SPAG9: variants seen among roughly 807,000 people sequenced by gnomAD.
SPAG9 encodes sperm associated antigen 9.
SPAG9 carries 35 observed loss-of-function variants against 166.5 expected under a neutral mutation model. That is an observed-to-expected ratio of 0.21 (90% CI 0.16 to 0.28). The LOEUF (loss-of-function observed/expected upper bound fraction) is 0.28, where lower values mean the gene tolerates loss of function less well. Ranked by LOEUF, SPAG9 falls within the 10% of genes least tolerant of loss-of-function variation. SPAG9 has a pLI of 1.00. For synonymous variants in SPAG9, 534 were observed against 565.5 expected (o/e 0.94, Z 0.79); for missense variants, 1,235 against 1,603.3 (o/e 0.77, Z 3.92).
chr17:51,020,384 T>G, intron 7 of SPAG9, 126 bp from the exon 8 acceptor site: 1 of 622,986 alleles, frequency 1.6e-6, no homozygotes, highest in Non-Finnish European at 2.8e-6. Flanking sequence ...CAAGACTGGA[T>G]TTTAGGAAAT....
intron 1 of SPAG9, among the ~76,000 whole-genome samples, chr17:51,097,819 T>C (rs994052685): frequency 6.6e-6 from 1 of 152,090 alleles, no homozygotes; most frequent in Non-Finnish European, 1.5e-5. Context: ...CTTTTTAAGA[T>C]AGGGTCTCAC....
Position 51,017,655 on chromosome 17 carries a change from G to A in SPAG9, c.1091+2504C>T, listed in dbSNP as rs561637565. 3.6e-4 allele frequency among the ~76,000 whole-genome samples: 55 copies of A among 152,156 alleles called. No homozygotes were observed. In the South Asian group the frequency reaches 4.8e-3, roughly 13 times the overall value. The stretch of plus-strand genomic sequence containing the variant: ...TAAGTCTCTTTATTTATAAAATAAG[G>A]ATAAAAAGATCTACCTCATAAGGTT... On this transcript the variant is annotated intron_variant, in intron 8 of 29. Transcript: ENST00000262013.
chr17:51,120,188 G>C lies in SPAG9; in HGVS notation c.303+166C>G, dbSNP rs1174488732. ...GGCCTCGGCTTCCAACGCCGGCCTG[G>C]CTCCCGGGGTACCTGGAGGCCGCCG... On this transcript the variant is annotated intron_variant, in intron 1 of 29. Coordinates refer to ENST00000262013, the MANE Select transcript of SPAG9 (RefSeq NM_001130528.3). This position sits in a 1 kb window ranked among gnomAD's most constrained non-coding sequence, Gnocchi z 4.7. Among the ~76,000 whole-genome samples the C allele has an allele frequency of 6.6e-6, 1 of 152,160 alleles. No individual in the cohort carries two copies. Among genetic ancestry groups the C allele is most frequent in the Non-Finnish European group, 1.5e-5 (1 of 68,020 alleles).
intron 12 of SPAG9, 61 bp from the exon 13 acceptor site, chr17:51,001,906 T>C: frequency 1.3e-6 from 2 of 1,484,860 alleles, no homozygotes; most frequent in East Asian, 2.4e-5. Context: ...GGTGTTCATC[T>C]CAGAGTTATG....
At chr17:51,087,631 C>A (rs1260634011) in intron 1 of SPAG9, among the ~76,000 whole-genome samples, 6 of 152,178 alleles carry the variant, frequency 3.9e-5, no homozygotes, top group African/African-American at 1.4e-4. Context: ...ATTCAGAGAT[C>A]TTAGTTGGGC....
chr17:50,979,361 G>A (rs1974423122), intron 26 of SPAG9, among the ~76,000 whole-genome samples: 1 of 140,344 alleles, frequency 7.1e-6, no homozygotes, highest in Non-Finnish European at 1.5e-5. Flanking sequence ...GACAGAGTGA[G>A]ACCCCGTCTT....
At chr17:51,013,141 T>A (rs1397911333) in intron 9 of SPAG9, among the ~76,000 whole-genome samples, 2 of 152,200 alleles carry the variant, frequency 1.3e-5, no homozygotes, top group African/African-American at 4.8e-5. Flanking sequence ...GCAATGTCAC[T>A]CCACTCCAAA....
chr17:51,002,018 A>G (rs1441876197), intron 12 of SPAG9, among the ~76,000 whole-genome samples, 173 bp from the exon 13 acceptor site: 2 of 152,076 alleles, frequency 1.3e-5, no homozygotes, highest in Non-Finnish European at 2.9e-5. Context: ...CTTTTTTTTA[A>G]AAAAATATAT....
chr17:51,069,848 A>G (rs1193414232), intron 2 of SPAG9, among the ~76,000 whole-genome samples: 1 of 152,164 alleles, frequency 6.6e-6, no homozygotes, highest in Non-Finnish European at 1.5e-5. Context: ...GTCAAAGTAT[A>G]AGGATCTAAC....
intron 9 of SPAG9, among the ~76,000 whole-genome samples, chr17:51,012,431 A>G (rs1212271700): frequency 1.3e-5 from 2 of 151,936 alleles, no homozygotes; most frequent in East Asian, 2.0e-4. Flanking sequence ...TTAGTCAGGC[A>G]TGGTGGTATG....
At chr17:51,014,376 C>A (rs1259903631) in intron 8 of SPAG9, 23 bp from the exon 9 acceptor site, 10 of 1,587,278 alleles carry the variant, frequency 6.3e-6, no homozygotes, top group Non-Finnish European at 8.6e-6. Flanking sequence ...AACAACAAAA[C>A]CAAATCAACA....
At chr17:50,981,390 G>A (rs1477864102) in intron 25 of SPAG9, among the ~76,000 whole-genome samples, 1 of 150,034 alleles carries the variant, frequency 6.7e-6, no homozygotes, top group Admixed American at 6.7e-5. Flanking sequence ...CAACCTGTGT[G>A]TGGATGGATG....
chr17:50,998,527 A>G lies in SPAG9; in HGVS notation c.1755T>C (p.Val585=). The G allele has an allele frequency of 6.2e-7, 1 of 1,614,186 alleles. No individual in the cohort carries two copies. Among genetic ancestry groups the G allele is most frequent in the Admixed American group, 1.7e-5 (1 of 60,026 alleles). ...TGCTTCTTTTCTTGACGGACGGAGTAACATGAGACGTGGGTGCATTGTACT... is the reference window on the plus strand; with the variant it reads ...TGCTTCTTTTCTTGACGGACGGAGTGACATGAGACGTGGGTGCATTGTACT... ...NLKYNAPTSH[V]TPSVKKRSST... The change falls in exon 15 of 30, where the codon GTT becomes GTC. Residue 585 remains valine, a synonymous_variant. Transcript: ENST00000262013.
chr17:50,981,431 T>TGG (rs942776285), intron 25 of SPAG9, among the ~76,000 whole-genome samples: 5 of 151,528 alleles, frequency 3.3e-5, no homozygotes, highest in African/African-American at 1.2e-4. Flanking sequence ...GATGGATGGA[T>TGG]AGACAGCCAG....
chr17:50,999,761 A>G (rs776521404), intron 13 of SPAG9, 44 bp from the exon 14 acceptor site: 2 of 1,535,602 alleles, frequency 1.3e-6, no homozygotes, highest in South Asian at 2.3e-5. Context: ...TCAGTGAGGT[A>G]TTCTACCTTT....
At chr17:51,019,890 A>T (rs1036063997) in intron 8 of SPAG9, among the ~76,000 whole-genome samples, 2 of 151,992 alleles carry the variant, frequency 1.3e-5, no homozygotes, top group Admixed American at 1.3e-4. Context: ...TAAATTACCC[A>T]CTCTGGTATT....
At chr17:51,057,542 T>C (rs2047394810) in intron 2 of SPAG9, among the ~76,000 whole-genome samples, 1 of 152,218 alleles carries the variant, frequency 6.6e-6, no homozygotes, top group Non-Finnish European at 1.5e-5. Flanking sequence ...TGCCTCCTAG[T>C]ATTAACACAC....
At chr17:51,099,776 A>AAAC (rs2048752197) in intron 1 of SPAG9, among the ~76,000 whole-genome samples, 2 of 148,974 alleles carry the variant, frequency 1.3e-5, no homozygotes, top group Non-Finnish European at 3.0e-5. Context: ...AAAAAAAAAA[A>AAAC]AAAAAAAAAA....
intron 2 of SPAG9, among the ~76,000 whole-genome samples, chr17:51,072,554 G>A (rs1219411283): frequency 6.6e-6 from 1 of 151,484 alleles, no homozygotes; most frequent in Non-Finnish European, 1.5e-5. Context: ...GTGGTGGCAC[G>A]CACCTGAAGT....
Sources: allele counts gnomAD v4.1 joint callset (sites outside exome capture counted in the v4.1 genomes callset), GRCh38; gene constraint gnomAD v4.1.1; non-coding constraint Gnocchi (gnomAD v3.1); transcripts MANE v1.5; gene names NCBI Gene and HGNC (gene_info 2026-07-23, HGNC 2026-07-21).